The following SUGCT variants were observed in gnomAD, a reference collection of about 807,000 sequenced individuals.
SUGCT encodes succinyl-CoA:glutarate-CoA transferase, also known as succinyl-CoA:glutarate CoA-transferase.
Under a neutral mutation model 55.0 loss-of-function variants are expected in SUGCT, and 41 were observed. The ratio of observed to expected loss-of-function variants is 0.74; its 90% CI spans 0.58 to 0.97. The LOEUF (loss-of-function observed/expected upper bound fraction) is 0.97, where lower values mean the gene tolerates loss of function less well. Ranked by LOEUF, SUGCT falls within the 50% of genes least tolerant of loss-of-function variation. The probability of loss-of-function intolerance (pLI) is 0.00; values close to 1 mark genes in which losing one functional copy is unlikely to be tolerated. For missense variants in SUGCT, 568 were observed against 547.8 expected (o/e 1.04, Z -0.37); for synonymous variants, 187 against 200.4 (o/e 0.93, Z 0.56).
chr7:40,279,609 G>A (rs1792816103), intron 8 of SUGCT, among the ~76,000 whole-genome samples: 1 of 151,988 alleles, frequency 6.6e-6, no homozygotes, highest in Non-Finnish European at 1.5e-5. Context: ...ATACTTCAGT[G>A]TTAGTAATGT....
chr7:40,964,288 T>C, the SUGCT span, among the ~76,000 whole-genome samples: 10 of 152,152 alleles, frequency 6.6e-5, no homozygotes, highest in South Asian at 2.1e-4. Flanking sequence ...AGAGAGAGTA[T>C]ATAAAGGGAA....
chr7:40,202,252 C>T (rs533495939), intron 6 of SUGCT, among the ~76,000 whole-genome samples: 13 of 152,284 alleles, frequency 8.5e-5, no homozygotes, highest in Middle Eastern at 6.8e-3. Context: ...GGATTATAGA[C>T]GTGAGCCACC....
At chr7:40,963,152 C>A in the SUGCT span, among the ~76,000 whole-genome samples, 49,407 of 151,806 alleles carry the variant, frequency 0.33, 8,863 homozygotes, top group Admixed American at 0.44. Context: ...ATTATTCCCA[C>A]ATGTATGTAT....
At chr7:40,680,195 A>C (rs892263210) in intron 12 of SUGCT, among the ~76,000 whole-genome samples, 10 of 152,184 alleles carry the variant, frequency 6.6e-5, no homozygotes, top group Non-Finnish European at 2.9e-5. Flanking sequence ...GCTTGTTTTT[A>C]ACTTTTTGGT....
Position 40,677,735 on chromosome 7 carries a change from T to C in SUGCT, c.1090-71699T>C, listed in dbSNP as rs572039568. On this transcript the variant is annotated intron_variant, in intron 12 of 13. Transcript: ENST00000335693. The stretch of plus-strand genomic sequence containing the variant: ...ATAGCAGGAGTCAGTCAAAAGAGAA[T>C]GGGGTTGGAAATGACGTTGGGTTAG... 6.6e-5 allele frequency among the ~76,000 whole-genome samples: 10 copies of C among 152,340 alleles called. No homozygotes were observed. In the South Asian group the frequency reaches 1.7e-3, roughly 25 times the overall value.
At chr7:40,867,064 T>C in the SUGCT span, among the ~76,000 whole-genome samples, 1 of 151,424 alleles carries the variant, frequency 6.6e-6, no homozygotes, top group South Asian at 2.1e-4. Context: ...TTACCTTTAA[T>C]TTCCTGAACA....
intron 9 of SUGCT, among the ~76,000 whole-genome samples, chr7:40,367,082 G>T (rs1421687665): frequency 3.3e-5 from 5 of 151,998 alleles, no homozygotes; most frequent in Non-Finnish European, 7.4e-5. Context: ...ATACTATGCA[G>T]CCATAAAAAA....
chr7:40,907,522 A>G, the SUGCT span, among the ~76,000 whole-genome samples: 1 of 152,218 alleles, frequency 6.6e-6, no homozygotes, highest in Non-Finnish European at 1.5e-5. Flanking sequence ...TTTAACTGTT[A>G]CTGGTTTTAT....
At chr7:40,787,552 C>T (rs1790074878) in intron 13 of SUGCT, among the ~76,000 whole-genome samples, 1 of 147,184 alleles carries the variant, frequency 6.8e-6, no homozygotes, top group East Asian at 2.1e-4. Flanking sequence ...AACCAGCTAG[C>T]AATCTTGGGA....
At chr7:40,876,471 A>G in the SUGCT span, among the ~76,000 whole-genome samples, 1 of 152,212 alleles carries the variant, frequency 6.6e-6, no homozygotes, top group African/African-American at 2.4e-5. Context: ...TAGAAGAAAT[A>G]CAGGCTGGGC....
At chr7:40,333,175 T>C (rs1796423446) in intron 9 of SUGCT, among the ~76,000 whole-genome samples, 1 of 152,128 alleles carries the variant, frequency 6.6e-6, no homozygotes, top group Non-Finnish European at 1.5e-5. Flanking sequence ...TTAGGAAATC[T>C]TTAGGAGCAT....
chr7:40,384,898 A>T (rs1291788052), intron 9 of SUGCT, among the ~76,000 whole-genome samples: 1 of 152,110 alleles, frequency 6.6e-6, no homozygotes, highest in Non-Finnish European at 1.5e-5. Flanking sequence ...TGCATCAGTC[A>T]TTGTGCTAGG....
chr7:40,560,098 GAAGAGTGTAAATATAACAC>G (rs1279153321), intron 12 of SUGCT, among the ~76,000 whole-genome samples: 1 of 152,160 alleles, frequency 6.6e-6, no homozygotes, highest in Non-Finnish European at 1.5e-5. Context: ...TTCTGTTCTT[GAAGAGTGTAAATATAACAC>G]ATCTCCCCAC....
intron 12 of SUGCT, among the ~76,000 whole-genome samples, chr7:40,674,464 A>C (rs1272218301): frequency 1.3e-5 from 2 of 152,214 alleles, no homozygotes; most frequent in Non-Finnish European, 2.9e-5. Context: ...GAAGACATTT[A>C]AAAAGGCAAA....
chr7:40,239,032 G>T (rs1789192580), intron 7 of SUGCT, among the ~76,000 whole-genome samples: 1 of 151,978 alleles, frequency 6.6e-6, no homozygotes. Context: ...TCTTGACCAG[G>T]CTGGTCTTGA....
intron 9 of SUGCT, among the ~76,000 whole-genome samples, chr7:40,432,479 A>G (rs1787943852): frequency 6.6e-6 from 1 of 152,064 alleles, no homozygotes. Context: ...CGAGGTCAGG[A>G]GTTTGAGACC....
At chr7:40,757,260 C>CA (rs1426713398) in intron 13 of SUGCT, among the ~76,000 whole-genome samples, 3 of 152,228 alleles carry the variant, frequency 2.0e-5, no homozygotes, top group Non-Finnish European at 2.9e-5. Flanking sequence ...CATCAGGCAC[C>CA]AGAGAAGCAT....
intron 9 of SUGCT, among the ~76,000 whole-genome samples, chr7:40,318,826 G>A (rs1213764295): frequency 6.6e-6 from 1 of 152,222 alleles, no homozygotes; most frequent in Non-Finnish European, 1.5e-5. Context: ...ATAGGTAGGT[G>A]TTCACTGTGT....
the SUGCT span, among the ~76,000 whole-genome samples, chr7:40,935,339 T>C: frequency 7.1e-6 from 1 of 141,130 alleles, no homozygotes; most frequent in South Asian, 2.1e-4. Context: ...ATCACTTCCA[T>C]TGAATTCGAG....
Sources: allele counts gnomAD v4.1 joint callset (sites outside exome capture counted in the v4.1 genomes callset), GRCh38; gene constraint gnomAD v4.1.1; transcripts MANE v1.5; gene names NCBI Gene and HGNC (gene_info 2026-07-23, HGNC 2026-07-21).